The following CDK14 variants were observed in gnomAD, a reference collection of about 807,000 sequenced individuals.
CDK14 encodes cyclin-dependent kinase 14.
A neutral mutation model predicts 60.7 loss-of-function variants in CDK14; 34 were observed. The observed-to-expected ratio is 0.56, with a 90% CI of 0.43 to 0.75. The LOEUF is 0.75. CDK14 is among the 30% of genes least tolerant of loss of function. The pLI, the probability that CDK14 is intolerant of heterozygous loss-of-function variation, is 0.00. For synonymous variants in CDK14, 197 were observed against 203.7 expected (o/e 0.97, Z 0.28); for missense variants, 482 against 564.1 (o/e 0.85, Z 1.47).
At chr7:90,739,728 A>G (rs1447837385) in intron 3 of CDK14, among the ~76,000 whole-genome samples, 1 of 152,214 alleles carries the variant, frequency 6.6e-6, no homozygotes, top group Non-Finnish European at 1.5e-5. Flanking sequence ...TCATTCTTAA[A>G]GGAGCACAAA....
chr7:90,991,561 G>A (rs1207362425), intron 10 of CDK14, among the ~76,000 whole-genome samples: 1 of 152,192 alleles, frequency 6.6e-6, no homozygotes, highest in African/African-American at 2.4e-5. Context: ...TCAGCGGGTA[G>A]GGGTGGTGGG....
intron 2 of CDK14, among the ~76,000 whole-genome samples, chr7:90,708,481 TA>T (rs1563051990): frequency 6.6e-6 from 1 of 152,224 alleles, no homozygotes; most frequent in African/African-American, 2.4e-5. Context: ...AAGATGAAAG[TA>T]TGTAATATTT....
intron 14 of CDK14, among the ~76,000 whole-genome samples, chr7:91,147,739 C>T (rs1274473942): frequency 6.6e-6 from 1 of 152,140 alleles, no homozygotes; most frequent in African/African-American, 2.4e-5. Context: ...TCTTTCCCCC[C>T]TCCCCCCCAT....
intron 3 of CDK14, among the ~76,000 whole-genome samples, chr7:90,735,974 C>G (rs1803083183): frequency 6.6e-6 from 1 of 152,192 alleles, no homozygotes; most frequent in South Asian, 2.1e-4. Context: ...GCGGGAATCT[C>G]CTGGTCTTCC....
Position 91,067,009 on chromosome 7 carries a change from T to C in CDK14, c.1106-12423T>C, listed in dbSNP as rs774111688. On this transcript the variant is annotated intron_variant, in intron 11 of 14. Transcript: ENST00000380050. ...TCTAAACTTCTAGTTTAAACATAATTGGAAAGAGAAAGTTGACATTAAAGT... is the reference window on the plus strand; with the variant it reads ...TCTAAACTTCTAGTTTAAACATAATCGGAAAGAGAAAGTTGACATTAAAGT... 2.3e-4 allele frequency among the ~76,000 whole-genome samples: 35 copies of C among 152,256 alleles called. No homozygotes were observed. The Middle Eastern group carries it at 0.014, about 59-fold the overall frequency.
intron 10 of CDK14, among the ~76,000 whole-genome samples, chr7:91,005,368 C>T (rs1019297488): frequency 2.0e-5 from 3 of 152,216 alleles, no homozygotes; most frequent in Admixed American, 1.3e-4. Flanking sequence ...ACGGACAAAA[C>T]TTAGCATCTT....
intron 8 of CDK14, among the ~76,000 whole-genome samples, chr7:90,930,170 A>T (rs1314858722): frequency 6.6e-6 from 1 of 152,086 alleles, no homozygotes; most frequent in Non-Finnish European, 1.5e-5. Context: ...CCAGTCTTTA[A>T]ATCTCAAGAG....
intron 5 of CDK14, among the ~76,000 whole-genome samples, chr7:90,848,328 C>T (rs183812407): frequency 1.4e-4 from 22 of 152,170 alleles, no homozygotes; most frequent in South Asian, 4.1e-4. Context: ...GTGATTTGCC[C>T]GCCTTGGCCT....
At chr7:91,083,371 G>A (rs969737966) in intron 12 of CDK14, among the ~76,000 whole-genome samples, 6 of 152,092 alleles carry the variant, frequency 3.9e-5, no homozygotes, top group South Asian at 2.1e-4. Context: ...TTTGAGTTCA[G>A]CATTAGAACA....
intron 14 of CDK14, among the ~76,000 whole-genome samples, chr7:91,160,982 C>A (rs1269524052): frequency 6.6e-6 from 1 of 152,150 alleles, no homozygotes; most frequent in Non-Finnish European, 1.5e-5. Flanking sequence ...TTGACTCTCT[C>A]CAGAGTCACT....
At chr7:90,608,558 G>C (rs547838126) in intron 2 of CDK14, 1 of 984,880 alleles carries the variant, frequency 1.0e-6, no homozygotes, top group African/African-American at 1.7e-5. Flanking sequence ...CAAAGTGTTG[G>C]CTCTGCCTGG....
chr7:91,139,216 T>C (rs1240773381), intron 14 of CDK14, among the ~76,000 whole-genome samples: 1 of 152,142 alleles, frequency 6.6e-6, no homozygotes, highest in East Asian at 1.9e-4. Flanking sequence ...GAATGCAGTG[T>C]TTTTTTAACT....
chr7:91,029,624 T>TCCTCTCC lies in CDK14; in HGVS notation c.1042-16262_1042-16256dup, dbSNP rs61001373. Among the ~76,000 whole-genome samples the TCCTCTCC allele has an allele frequency of 7.8e-3, 1,032 of 132,668 alleles. 24 individuals are homozygous for TCCTCTCC. The highest frequency in any genetic ancestry group is 0.023 in the African/African-American group (788 of 33,986). 87.0% of individuals were successfully genotyped at this position (132,668 alleles called of 152,430 possible). On this transcript the variant is annotated intron_variant, in intron 10 of 14. Coordinates refer to ENST00000380050, the MANE Select transcript of CDK14 (RefSeq NM_001287135.2). ...CTCTCCTCTCCTCCGCTCCCCACTC[T>TCCTCTCC]CCTCTCCCCTCTCCCCTTCCCCTTC...
rs77038515 is a variant in CDK14, at chr7:91,081,305, A to G, written c.1154+1825A>G. Among the ~76,000 whole-genome samples the G allele has an allele frequency of 4.7e-3, 713 of 152,308 alleles. 4 individuals carry two copies. Among genetic ancestry groups the G allele is most frequent in the African/African-American group, 0.015 (636 of 41,576 alleles). ...ACTTAAGGAGTGAGATCAGAATTCA[A>G]AAGAACTACATTAAAAGACTATTAC... On this transcript the variant is annotated intron_variant, in intron 12 of 14. Transcript: ENST00000380050.
intron 2 of CDK14, among the ~76,000 whole-genome samples, chr7:90,668,055 G>T (rs1801021182): frequency 6.6e-6 from 1 of 152,112 alleles, no homozygotes; most frequent in African/African-American, 2.4e-5. Flanking sequence ...GGTTTGCTAG[G>T]TCGTATAGTA....
chr7:91,129,661 A>G (rs1800060205), intron 14 of CDK14, among the ~76,000 whole-genome samples: 1 of 152,144 alleles, frequency 6.6e-6, no homozygotes, highest in African/African-American at 2.4e-5. Flanking sequence ...GGAACCAAAA[A>G]TGAGTTCATC....
At chr7:91,054,501 A>G (rs1797496274) in intron 11 of CDK14, among the ~76,000 whole-genome samples, 1 of 152,210 alleles carries the variant, frequency 6.6e-6, no homozygotes, top group South Asian at 2.1e-4. Context: ...TGTGAACATT[A>G]TAAAGCTAAG....
intron 2 of CDK14, among the ~76,000 whole-genome samples, chr7:90,655,822 A>G (rs922201356): frequency 1.3e-5 from 2 of 152,144 alleles, no homozygotes; most frequent in African/African-American, 2.4e-5. Flanking sequence ...GAATTTGCCA[A>G]CCTTTCATCA....
chr7:90,956,702 G>A (rs1421820403), intron 9 of CDK14, among the ~76,000 whole-genome samples: 4 of 151,896 alleles, frequency 2.6e-5, no homozygotes, highest in Admixed American at 2.6e-4. Context: ...CCATGCTGGT[G>A]CGCTGCACCC....
Sources: allele counts gnomAD v4.1 joint callset (sites outside exome capture counted in the v4.1 genomes callset), GRCh38; gene constraint gnomAD v4.1.1; transcripts MANE v1.5; gene names NCBI Gene and HGNC (gene_info 2026-07-23, HGNC 2026-07-21).